Variants in BRAT1 observed in about 807,000 individuals in gnomAD.
The protein encoded by BRAT1 is integrator complex assembly factor BRAT1.
BRAT1 carries 74 observed loss-of-function variants against 70.6 expected under a neutral mutation model. The observed-to-expected ratio is 1.05, with a 90% confidence interval of 0.87 to 1.27. The LOEUF (loss-of-function observed/expected upper bound fraction) is 1.27, where lower values mean the gene tolerates loss of function less well. BRAT1 is among the 50% of genes most tolerant of loss of function. The pLI, the probability that BRAT1 is intolerant of heterozygous loss-of-function variation, is 0.00. For missense variants in BRAT1, 1,203 were observed against 1,098.2 expected (o/e 1.10, Z -1.35); for synonymous variants, 615 against 517.1 (o/e 1.19, Z -2.57).
rs1452688367 is a variant in BRAT1 at position 2,547,198 on chromosome 7, G to T, written c.282+126C>A. ...GTAAAAAACATGCAGTTCTAGTGAG[G>T]ACACAGGGTCGGGGCAGGCCGCTGG... On this transcript the variant is annotated intron_variant, in intron 3 of 13. Coordinates refer to ENST00000340611, the MANE Select transcript of BRAT1 (RefSeq NM_152743.4). 4.8e-6 allele frequency: 6 copies of T among 1,245,454 alleles called. No individual in the cohort carries two copies. In the South Asian group the frequency reaches 7.0e-5, roughly 14 times the overall value. 77.2% of individuals were successfully genotyped at this position (1,245,454 alleles called of 1,614,324 possible). A position where few individuals can be genotyped will look rare whatever the true frequency, so the allele number is the denominator to read the frequency against.
chr7:2,538,087 G>A lies in BRAT1; in HGVS notation c.2448C>T (p.Asp816=), dbSNP rs200784213. The A allele has an allele frequency of 7.6e-5, 119 of 1,575,014 alleles. 1 individual carries two copies. In the South Asian group the frequency reaches 9.7e-4, roughly 13 times the overall value. The change falls in exon 14 of 14, where the codon GAC becomes GAT. Residue 816 remains aspartate (D), a synonymous_variant. Transcript: ENST00000340611. ...GTTCTGCTCAGTAGCAGTCGGCCTC[G>A]TCCCCCTGCAGGAAGCCTCCCGTGG... The part of the protein sequence containing the change: ...MLATGGFLQG[D]EADCY
intron 13 of BRAT1, 51 bp from the exon 14 acceptor site, chr7:2,538,815 G>A (rs968847316): frequency 5.7e-6 from 9 of 1,590,424 alleles, no homozygotes; most frequent in African/African-American, 4.0e-5. Context: ...CAGGAGCGAG[G>A]CTCCCGCAAC....
At position 2,539,332 on chromosome 7, in the gene BRAT1, G is replaced by A. The variant is rs773927497; in HGVS notation, c.1617C>T (p.Cys539=). Residue 539 remains cysteine, a synonymous_variant, in exon 13 of 14, where the codon TGC becomes TGT. Coordinates refer to ENST00000340611, the MANE Select transcript of BRAT1 (RefSeq NM_152743.4). ...RHWGGQADFR[C]ALLASEVPQL... ...GAGGCACCTCTGAAGCCAAGAGTGCGCATCTGAAGTCAGCCTGTCCTGGGG... is the reference window on the plus strand; with the variant it reads ...GAGGCACCTCTGAAGCCAAGAGTGCACATCTGAAGTCAGCCTGTCCTGGGG... 12 of 1,609,350 alleles carry A rather than the reference G, an allele frequency of 7.5e-6. No homozygotes were observed. The East Asian group carries it at 8.9e-5, about 12-fold the overall frequency.
Position 2,538,195 on chromosome 7 carries a change from G to A in BRAT1, c.2340C>T (p.Asp780=), listed in dbSNP as rs201045158. 5.0e-6 allele frequency: 8 copies of A among 1,609,904 alleles called. No individual in the cohort carries two copies. Among genetic ancestry groups the A allele is most frequent in the Admixed American group, 1.7e-5 (1 of 59,952 alleles). Residue 780 remains aspartate (D), a synonymous_variant, in exon 14 of 14, where the codon GAC becomes GAT. Transcript: ENST00000340611. ...CCAGCGTGCTCCGCAGGCCCTCCAG[G>A]TCTAGGGACCTGAGCATGGCCAGCA... ...EAVLAMLRSL[D]LEGLRSTLAE...
At position 2,538,151 on chromosome 7, in the gene BRAT1, ACGTGGTCGCTGCTCTCGGCC is replaced by A. The variant is rs1778825435; in HGVS notation, c.2364_2383del (p.Ala789GlyfsTer83). 6.2e-7 allele frequency: 1 copy of A among 1,608,832 alleles called. No homozygotes were observed. Among genetic ancestry groups the A allele is most frequent in the African/African-American group, 1.3e-5 (1 of 74,852 alleles). ...CAGGAGGGACTGGGGACTCTTTTCCACGTGGTCGCTGCTCTCGGCCAGCGTGCTCCGCAGGCCCTCCAGGT... is the reference window on the plus strand; with the variant it reads ...CAGGAGGGACTGGGGACTCTTTTCCAAGCGTGCTCCGCAGGCCCTCCAGGT... On this transcript the variant is annotated frameshift_variant, in exon 14 of 14. Transcript: ENST00000340611. LOFTEE classifies it high-confidence loss of function.
At chr7:2,546,060 T>A (rs930417177) in intron 3 of BRAT1, among the ~76,000 whole-genome samples, 6 of 152,210 alleles carry the variant, frequency 3.9e-5, no homozygotes, top group Admixed American at 6.5e-5. Flanking sequence ...ACACCACGCA[T>A]CCCGACAGAC....
In BRAT1 at chr7:2,539,813, C is replaced by G. The variant is rs773303692; in HGVS notation, c.1471G>C (p.Gly491Arg). 1.2e-6 allele frequency: 2 copies of G among 1,611,750 alleles called. No homozygotes were observed. The highest frequency in any genetic ancestry group is 2.2e-5 in the East Asian group (1 of 44,804). ...CTGAGGAACTGCGGGATGAGGGGGCCGAGATCAGAGCAGCCGGGGGTCTTG... is the reference window on the plus strand; with the variant it reads ...CTGAGGAACTGCGGGATGAGGGGGCGGAGATCAGAGCAGCCGGGGGTCTTG... ...SPKTPGCSDL[G>R]PLIPQFLREL... The change falls in exon 11 of 14, where the codon GGC becomes CGC. Residue 491 changes from glycine (G) to arginine (R), a missense_variant. Transcript: ENST00000340611.
intron 4 of BRAT1, 167 bp from the exon 5 acceptor site, chr7:2,544,129 A>G: frequency 4.0e-6 from 2 of 502,822 alleles, no homozygotes; most frequent in Non-Finnish European, 6.8e-6. Flanking sequence ...CTCCCTGGAG[A>G]CAAGCACCTC....
chr7:2,554,594 G>GAA (rs1780274315), intron 1 of BRAT1, 147 bp from the exon 2 acceptor site: 2 of 1,058,726 alleles, frequency 1.9e-6, no homozygotes, highest in South Asian at 3.4e-5. Context: ...CCCCAGACCA[G>GAA]AGGTCTGTAC....
rs779338983 is a variant in BRAT1 at position 2,543,852 on chromosome 7, C to T, written c.541G>A (p.Glu181Lys). Residue 181 changes from glutamate to lysine, a missense_variant, in exon 5 of 14, where the codon GAG (glutamate) becomes AAG (lysine). Transcript: ENST00000340611. The surrounding 1 kb of genome is among the most constrained non-coding windows in gnomAD (Gnocchi z 5.5). ...CCCCCCGGCAGGCAGGGCTGCCCCT[C>T]GGCTCCACCTCGCATGGACAAAGCC... ...VLALSMRGGA[E>K]GQPCLPGGDW... 6 of 1,612,896 alleles carry T rather than the reference C, an allele frequency of 3.7e-6. No homozygotes were observed. The highest frequency in any genetic ancestry group is 2.2e-5 in the South Asian group (2 of 91,072).
chr7:2,543,103 G>C lies in BRAT1; in HGVS notation c.923+101C>G. 2 of 1,412,484 alleles carry C rather than the reference G, an allele frequency of 1.4e-6. No individual in the cohort carries two copies. Among genetic ancestry groups the C allele is most frequent in the Non-Finnish European group, 1.9e-6 (2 of 1,065,242 alleles). The allele number at this position is 1,412,484 out of a possible 1,614,324, so 87.5% of individuals were successfully genotyped here. A position where few individuals can be genotyped will look rare whatever the true frequency, so the allele number is the denominator to read the frequency against. ...CCCGCACGGCCGCCTGACTGTCCCTGGTGTCCGGAACTCCCCTGCCATGAG... is the reference window on the plus strand; with the variant it reads ...CCCGCACGGCCGCCTGACTGTCCCTCGTGTCCGGAACTCCCCTGCCATGAG... On this transcript the variant is annotated intron_variant, in intron 6 of 13. Coordinates refer to ENST00000340611, the MANE Select transcript of BRAT1 (RefSeq NM_152743.4). This position sits in a 1 kb window ranked among gnomAD's most constrained non-coding sequence, Gnocchi z 5.5.
chr7:2,542,921 G>GA, intron 6 of BRAT1: 2 of 230,322 alleles, frequency 8.7e-6, no homozygotes, highest in Admixed American at 5.6e-5. Flanking sequence ...GCAGCGGAGC[G>GA]CAGGGCGTCG....
In BRAT1 at chr7:2,541,703, C is replaced by T. The variant is rs766462895; in HGVS notation, c.1134+15G>A. The T allele has an allele frequency of 2.5e-6, 4 of 1,597,820 alleles. No individual in the cohort carries two copies. The African/African-American group carries it at 5.4e-5, about 21-fold the overall frequency. On this transcript the variant is annotated intron_variant, in intron 8 of 13. Coordinates refer to ENST00000340611, the MANE Select transcript of BRAT1 (RefSeq NM_152743.4). ...TGGATGCTGCTGGGCTGCATGAGGA[C>T]CGGGCCGCACCTACCAGCGGCTGCA...
intron 6 of BRAT1, chr7:2,542,813 T>C (rs1426552106): frequency 3.5e-5 from 6 of 173,588 alleles, no homozygotes; most frequent in Non-Finnish European, 5.0e-5. Flanking sequence ...CCCCAGGCTC[T>C]GCCGTTGCAC....
intron 3 of BRAT1, among the ~76,000 whole-genome samples, chr7:2,545,888 G>T (rs1245843893): frequency 6.6e-6 from 1 of 152,226 alleles, no homozygotes; most frequent in Non-Finnish European, 1.5e-5. Flanking sequence ...CCTGCAGCAA[G>T]ATGGTGCCTG....
At chr7:2,552,157 G>A (rs1780090421) in intron 2 of BRAT1, among the ~76,000 whole-genome samples, 1 of 101,108 alleles carries the variant, frequency 9.9e-6, no homozygotes. Flanking sequence ...TCACTCCATT[G>A]CCCTGGCTGG....
At chr7:2,544,779 T>C in intron 4 of BRAT1, 130 bp downstream of exon 4, 1 of 1,375,380 alleles carries the variant, frequency 7.3e-7, no homozygotes, top group Non-Finnish European at 9.7e-7. Context: ...AGCCGTACTG[T>C]CACAGTGCAG....
At chr7:2,542,974 C>T in intron 6 of BRAT1, 1 of 409,192 alleles carries the variant, frequency 2.4e-6, no homozygotes, top group Non-Finnish European at 4.3e-6. Context: ...CCGCATCCTT[C>T]TCACCTCTGG....
chr7:2,554,977 G>A (rs1395267120), intron 1 of BRAT1, among the ~76,000 whole-genome samples: 1 of 150,484 alleles, frequency 6.6e-6, no homozygotes, highest in Non-Finnish European at 1.5e-5. Flanking sequence ...GTCCCTCTCA[G>A]GGTCAGTGGT....
Sources: gnomAD v4.1 joint callset for allele counts (sites outside exome capture counted in the v4.1 genomes callset) on GRCh38, gnomAD v4.1.1 for gene constraint, Gnocchi (gnomAD v3.1) non-coding constraint, MANE v1.5 for transcripts, NCBI Gene and HGNC (gene_info 2026-07-23, HGNC 2026-07-21) for gene names.